Variants in PDE9A observed in about 807,000 individuals in gnomAD.
The protein encoded by PDE9A is high affinity cGMP-specific 3',5'-cyclic phosphodiesterase 9A.
Under a neutral mutation model 87.4 loss-of-function variants are expected in PDE9A, and 60 were observed. The observed-to-expected ratio is 0.69, with a 90% CI of 0.56 to 0.85. PDE9A has a LOEUF of 0.85. Ranked by LOEUF, PDE9A falls within the 40% of genes least tolerant of loss-of-function variation. PDE9A has a pLI of 0.00. For missense variants in PDE9A, 665 were observed against 779.0 expected, an observed-to-expected ratio of 0.85 and a Z score of 1.74; for synonymous variants, 272 against 279.4, an observed-to-expected ratio of 0.97 and a Z score of 0.27.
At chr21:42,773,822 A>T (rs765114795) in intron 19 of PDE9A, among the ~76,000 whole-genome samples, 1 of 142,804 alleles carries the variant, frequency 7.0e-6, no homozygotes, top group East Asian at 2.1e-4. Context: ...ATAAATAAAT[A>T]AGCCGGGCGC....
At position 42,707,349 on chromosome 21, in the gene PDE9A, G is replaced by T. The variant is rs1316043158; in HGVS notation, c.262+8338G>T. Among the ~76,000 whole-genome samples the T allele has an allele frequency of 2.6e-5, 4 of 152,120 alleles. No homozygotes were observed. The East Asian group carries it at 7.7e-4, about 29-fold the overall frequency. On this transcript the variant is annotated intron_variant, in intron 4 of 19. Coordinates refer to ENST00000291539, the MANE Select transcript of PDE9A (RefSeq NM_002606.3). Reference sequence around the variant, plus strand: ...AATGGGTGCCTCCTCCAACCCCTGAGTCCCCCTACCTGAGGACTTCCTCTG... The same window carrying T: ...AATGGGTGCCTCCTCCAACCCCTGATTCCCCCTACCTGAGGACTTCCTCTG...
intron 7 of PDE9A, among the ~76,000 whole-genome samples, chr21:42,737,546 GC>G (rs949519205): frequency 6.6e-6 from 1 of 152,124 alleles, no homozygotes; most frequent in Non-Finnish European, 1.5e-5. Flanking sequence ...TGCAACCTCT[GC>G]CCCCCGAAGA....
intron 8 of PDE9A, among the ~76,000 whole-genome samples, chr21:42,745,183 C>A (rs961515605): frequency 6.6e-6 from 1 of 152,100 alleles, no homozygotes; most frequent in African/African-American, 2.4e-5. Context: ...AAGGGAAAGC[C>A]GACGGGCCTC....
At chr21:42,674,547 G>A (rs1432054381) in intron 1 of PDE9A, among the ~76,000 whole-genome samples, 1 of 151,978 alleles carries the variant, frequency 6.6e-6, no homozygotes. Flanking sequence ...CTCCGCCTAC[G>A]CGCCTGTAGC....
rs1300170918 is a variant in PDE9A, at chr21:42,760,912, G to A, written c.1085+5G>A. 3.1e-6 allele frequency: 5 copies of A among 1,592,990 alleles called. No individual in the cohort carries two copies. Among genetic ancestry groups the A allele is most frequent in the Non-Finnish European group, 4.3e-6 (5 of 1,160,892 alleles). ...CCATCCCGGCTACAACAACACGTAT[G>A]TACAGGATTTTCTCTTTTTTTCCTT... is the stretch of plus-strand genomic sequence containing the variant. On this transcript the variant is annotated splice_donor_5th_base_variant and intron_variant, in intron 13 of 19. Transcript: ENST00000291539. This position sits in a 1 kb window ranked among gnomAD's most constrained non-coding sequence, Gnocchi z 5.2.
intron 1 of PDE9A, among the ~76,000 whole-genome samples, chr21:42,685,053 C>T (rs1317247719): frequency 1.3e-5 from 2 of 152,166 alleles, no homozygotes; most frequent in Admixed American, 6.5e-5. Flanking sequence ...TCCCCCACAC[C>T]GGGGACTTGT....
chr21:42,681,376 C>T (rs571559904), intron 1 of PDE9A, among the ~76,000 whole-genome samples: 84 of 152,326 alleles, frequency 5.5e-4, no homozygotes, highest in African/African-American at 1.9e-3. Context: ...CAAGCATGTG[C>T]GGTCCGCAGC....
chr21:42,655,514 G>A (rs2056992632), intron 1 of PDE9A, among the ~76,000 whole-genome samples: 1 of 152,198 alleles, frequency 6.6e-6, no homozygotes, highest in African/African-American at 2.4e-5. Flanking sequence ...AAAGCAGCCT[G>A]CAGGTGGGCC....
chr21:42,708,331 C>G (rs902242239), intron 4 of PDE9A, among the ~76,000 whole-genome samples: 2 of 152,132 alleles, frequency 1.3e-5, no homozygotes, highest in Admixed American at 1.3e-4. Flanking sequence ...AATACGGAAG[C>G]CTGCGGAATG....
At chr21:42,689,285 C>T (rs2071846318) in intron 3 of PDE9A, among the ~76,000 whole-genome samples, 1 of 152,264 alleles carries the variant, frequency 6.6e-6, no homozygotes, top group African/African-American at 2.4e-5. Context: ...TCTGGCTGTG[C>T]CCGTCAGTCT....
At chr21:42,712,103 T>C (rs1036278526) in intron 4 of PDE9A, among the ~76,000 whole-genome samples, 1 of 152,190 alleles carries the variant, frequency 6.6e-6, no homozygotes, top group Admixed American at 6.5e-5. Flanking sequence ...TGATTACTAT[T>C]TTATTTACTA....
At chr21:42,728,518 C>G (rs1224587957) in intron 4 of PDE9A, among the ~76,000 whole-genome samples, 1 of 152,176 alleles carries the variant, frequency 6.6e-6, no homozygotes, top group East Asian at 1.9e-4. Context: ...AAATATTGAG[C>G]CAACCTTATA....
In PDE9A at chr21:42,695,134, A is replaced by C. The variant is rs1349305088; in HGVS notation, c.219-3834A>C. On this transcript the variant is annotated intron_variant, in intron 3 of 19. Transcript: ENST00000291539. The surrounding 1 kb of genome is among the most constrained non-coding windows in gnomAD (Gnocchi z 4.3). ...ACCTGGAACACGTTTACATCATGGA[A>C]AATATGGAAAATAGGCTGATTGGCT... Among the ~76,000 whole-genome samples the C allele has an allele frequency of 6.6e-6, 1 of 152,248 alleles. No individual in the cohort carries two copies. The highest frequency in any genetic ancestry group is 1.5e-5 in the Non-Finnish European group (1 of 68,048).
rs114806466 is a variant in PDE9A at position 42,758,689 on chromosome 21, G to A, written c.811-310G>A. 6.2e-3 allele frequency: 2,081 copies of A among 334,122 alleles called. 34 individuals carry two copies. Among genetic ancestry groups the A allele is most frequent in the African/African-American group, 0.041 (1,911 of 47,166 alleles). 20.7% of individuals were successfully genotyped at this position (334,122 alleles called of 1,614,324 possible). On this transcript the variant is annotated intron_variant, in intron 10 of 19. Coordinates refer to ENST00000291539, the MANE Select transcript of PDE9A (RefSeq NM_002606.3). The stretch of plus-strand genomic sequence containing the variant: ...TGTGAACGGGTGCACTCTCTCACCC[G>A]GTCGCTGTCCTAAGAATTCTCCTTG...
At chr21:42,668,149 G>A (rs970267607) in intron 1 of PDE9A, among the ~76,000 whole-genome samples, 13 of 152,088 alleles carry the variant, frequency 8.5e-5, no homozygotes, top group African/African-American at 2.4e-4. Context: ...AACTGGGCTC[G>A]AAGGGGCTGC....
chr21:42,656,095 C>T (rs922442119), intron 1 of PDE9A, among the ~76,000 whole-genome samples: 3 of 152,222 alleles, frequency 2.0e-5, no homozygotes, highest in Non-Finnish European at 4.4e-5. Context: ...TCTTAAAGTA[C>T]CAGGCACTGG....
intron 7 of PDE9A, among the ~76,000 whole-genome samples, chr21:42,740,273 A>T (rs2052979584): frequency 6.6e-6 from 1 of 152,064 alleles, no homozygotes; most frequent in Non-Finnish European, 1.5e-5. Flanking sequence ...GCAAAACCCC[A>T]TCTCTACAAA....
At chr21:42,658,671 GCT>G (rs2057273548) in intron 1 of PDE9A, among the ~76,000 whole-genome samples, 1 of 152,214 alleles carries the variant, frequency 6.6e-6, no homozygotes, top group South Asian at 2.1e-4. Flanking sequence ...AGGTTTCTCG[GCT>G]CCAGCACCAC....
chr21:42,680,660 G>A (rs1170146471), intron 1 of PDE9A, among the ~76,000 whole-genome samples: 3 of 152,202 alleles, frequency 2.0e-5, no homozygotes, highest in South Asian at 2.1e-4. Context: ...CAGTCAAACC[G>A]TGTGCCTGAG....
Sources: allele counts gnomAD v4.1 joint callset (sites outside exome capture counted in the v4.1 genomes callset), GRCh38; gene constraint gnomAD v4.1.1; non-coding constraint Gnocchi (gnomAD v3.1); transcripts MANE v1.5; gene names NCBI Gene and HGNC (gene_info 2026-07-23, HGNC 2026-07-21).